Variants in NAP1L4 observed in about 807,000 individuals in gnomAD.
The protein encoded by NAP1L4 is nucleosome assembly protein 1 like 4.
A neutral mutation model predicts 58.2 loss-of-function variants in NAP1L4; 15 were observed. The ratio of observed to expected loss-of-function variants is 0.26; its 90% CI spans 0.17 to 0.40. The LOEUF is 0.40. NAP1L4 is among the 10% of genes least tolerant of loss of function. The probability of loss-of-function intolerance (pLI) is 1.00; values close to 1 mark genes in which losing one functional copy is unlikely to be tolerated. For synonymous variants in NAP1L4, 171 were observed against 155.6 expected (o/e 1.10, Z -0.74); for missense variants, 384 against 451.1 (o/e 0.85, Z 1.35).
At position 2,955,797 on chromosome 11, in the gene NAP1L4, A is replaced by C. The variant is rs1293327393; in HGVS notation, c.893-31T>G. The C allele has an allele frequency of 1.2e-6, 2 of 1,606,604 alleles. No individual in the cohort carries two copies. The highest frequency in any genetic ancestry group is 8.5e-7 in the Non-Finnish European group (1 of 1,174,642). On this transcript the variant is annotated intron_variant, in intron 10 of 15. Transcript: ENST00000380542. The surrounding 1 kb of genome is among the most constrained non-coding windows in gnomAD (Gnocchi z 4.2). Reference sequence around the variant, plus strand: ...AAAAGAAAAGACAAAACATATTTAAATTACAGTGACAACTCCCAGAATTTT... The same window carrying C: ...AAAAGAAAAGACAAAACATATTTAACTTACAGTGACAACTCCCAGAATTTT...
intron 15 of NAP1L4, among the ~76,000 whole-genome samples, chr11:2,945,923 T>TG (rs1366114240): frequency 6.6e-6 from 1 of 152,052 alleles, no homozygotes; most frequent in Non-Finnish European, 1.5e-5. Context: ...CTTGGGGTGG[T>TG]GGAGCTCCAG....
intron 1 of NAP1L4, chr11:2,991,818 T>A (rs1315578411): frequency 6.6e-6 from 1 of 152,206 alleles, no homozygotes; most frequent in Non-Finnish European, 1.5e-5. Context: ...GCCTGAACGC[T>A]CCGGCGCGCC....
At position 2,959,201 on chromosome 11, in the gene NAP1L4, T is replaced by C. The variant is rs139387360; in HGVS notation, c.746+569A>G. ...TTTTAATAAAGTCCTGAATTAACAA[T>C]TACTATTTACTTCTGGTAAATAAAC... On this transcript the variant is annotated intron_variant, in intron 9 of 15. Coordinates refer to ENST00000380542, the MANE Select transcript of NAP1L4 (RefSeq NM_005969.4). The surrounding 1 kb of genome is among the most constrained non-coding windows in gnomAD (Gnocchi z 4.9). Among the ~76,000 whole-genome samples the C allele has an allele frequency of 3.0e-4, 46 of 152,350 alleles. No homozygotes were observed. In the East Asian group the frequency reaches 8.1e-3, roughly 27 times the overall value.
intron 1 of NAP1L4, among the ~76,000 whole-genome samples, chr11:2,980,814 ATTT>A (rs1848255341): frequency 6.6e-6 from 1 of 152,194 alleles, no homozygotes; most frequent in African/African-American, 2.4e-5. Flanking sequence ...CTTTTTTAAA[ATTT>A]TTATTGTTTA....
chr11:2,981,418 C>CAAAAAAAAAAAAAA (rs35499396), intron 1 of NAP1L4, among the ~76,000 whole-genome samples: 5 of 41,282 alleles, frequency 1.2e-4, no homozygotes, highest in Non-Finnish European at 2.1e-4. Flanking sequence ...TACCCTGTCT[C>CAAAAAAAAAAAAAA]AAAAAAAAAA....
At chr11:2,977,626 G>A (rs1305974354) in intron 3 of NAP1L4, among the ~76,000 whole-genome samples, 4 of 152,114 alleles carry the variant, frequency 2.6e-5, no homozygotes, top group Non-Finnish European at 5.9e-5. Flanking sequence ...AGGGAAACAG[G>A]AGCATGACTG....
At chr11:2,977,641 T>C (rs550906206) in intron 3 of NAP1L4, among the ~76,000 whole-genome samples, 1 of 152,260 alleles carries the variant, frequency 6.6e-6, no homozygotes, top group East Asian at 1.9e-4. Flanking sequence ...TGACTGTCTA[T>C]TAGAGAATGG....
chr11:2,968,872 C>T (rs1263749889), intron 7 of NAP1L4, among the ~76,000 whole-genome samples: 1 of 152,124 alleles, frequency 6.6e-6, no homozygotes, highest in Non-Finnish European at 1.5e-5. Flanking sequence ...TATTATAACT[C>T]ATTTCAGGGA....
chr11:2,954,711 T>C lies in NAP1L4; in HGVS notation c.916-65A>G. ...GATAAAAACATTCACTTCACCACCC[T>C]CAGCCAAACCTCAGCCCCTCACTTT... On this transcript the variant is annotated intron_variant, in intron 11 of 15. Coordinates refer to ENST00000380542, the MANE Select transcript of NAP1L4 (RefSeq NM_005969.4). The surrounding 1 kb of genome is among the most constrained non-coding windows in gnomAD (Gnocchi z 4.8). The C allele has an allele frequency of 6.2e-7, 1 of 1,603,094 alleles. No homozygotes were observed. The highest frequency in any genetic ancestry group is 8.5e-7 in the Non-Finnish European group (1 of 1,171,590).
At position 2,954,833 on chromosome 11, in the gene NAP1L4, G is replaced by A; in HGVS notation, c.916-187C>T. The A allele has an allele frequency of 1.4e-6, 1 of 699,786 alleles. No individual in the cohort carries two copies. Among genetic ancestry groups the A allele is most frequent in the Non-Finnish European group, 2.4e-6 (1 of 421,744 alleles). 43.3% of individuals were successfully genotyped at this position (699,786 alleles called of 1,614,324 possible). A position where few individuals can be genotyped will look rare whatever the true frequency, so the allele number is the denominator to read the frequency against. The stretch of plus-strand genomic sequence containing the variant: ...TAAAACAACTTTAAGTAGCTTTAAA[G>A]AGCTACTGAAGCAAAATGGCAGAGA... On this transcript the variant is annotated intron_variant, in intron 11 of 15. Transcript: ENST00000380542. The surrounding 1 kb of genome is among the most constrained non-coding windows in gnomAD (Gnocchi z 4.8).
At chr11:2,968,937 T>C (rs1372123347) in intron 7 of NAP1L4, among the ~76,000 whole-genome samples, 1 of 152,118 alleles carries the variant, frequency 6.6e-6, no homozygotes, top group Non-Finnish European at 1.5e-5. Flanking sequence ...GAAAGTGAAA[T>C]GTCAAGGCAA....
At position 2,954,492 on chromosome 11, in the gene NAP1L4, C is replaced by A; in HGVS notation, c.1035+35G>T. On this transcript the variant is annotated intron_variant, in intron 12 of 15. Coordinates refer to ENST00000380542, the MANE Select transcript of NAP1L4 (RefSeq NM_005969.4). This position sits in a 1 kb window ranked among gnomAD's most constrained non-coding sequence, Gnocchi z 4.8. ...CACTCTGCACCAACAGAGATAAGCA[C>A]CCAGGTGGAAGCCCCCCTTCCCCGA... 1.9e-6 allele frequency: 3 copies of A among 1,612,956 alleles called. No individual in the cohort carries two copies. Among genetic ancestry groups the A allele is most frequent in the Non-Finnish European group, 2.5e-6 (3 of 1,179,016 alleles).
At position 2,946,641 on chromosome 11, in the gene NAP1L4, T is replaced by C. The variant is rs1221519341; in HGVS notation, c.*33-995A>G. 6.6e-6 allele frequency among the ~76,000 whole-genome samples: 1 copy of C among 152,232 alleles called. No individual in the cohort carries two copies. The highest frequency in any genetic ancestry group is 1.9e-4 in the East Asian group (1 of 5,200). On this transcript the variant is annotated intron_variant, in intron 15 of 15. Transcript: ENST00000380542. The surrounding 1 kb of genome is among the most constrained non-coding windows in gnomAD (Gnocchi z 4.8). The stretch of plus-strand genomic sequence containing the variant: ...CAGTATAAGCTGAGGCTACAGTTCA[T>C]TCTTTTGGAAATCACATTTAAGGGA...
In NAP1L4 at chr11:2,974,387, G is replaced by A. The variant is rs548780503; in HGVS notation, c.173+1637C>T. Among the ~76,000 whole-genome samples the A allele has an allele frequency of 1.1e-4, 17 of 152,236 alleles. No individual in the cohort carries two copies. The East Asian group carries it at 3.3e-3, about 29-fold the overall frequency. ...ACCACTTCTAGTCCCACATAAACCT[G>A]ATCCCACTCAAGCAGTTCCTCTCAC... On this transcript the variant is annotated intron_variant, in intron 4 of 15. Coordinates refer to ENST00000380542, the MANE Select transcript of NAP1L4 (RefSeq NM_005969.4).
chr11:2,958,652 T>C, intron 9 of NAP1L4, 108 bp from the exon 10 acceptor site: 1 of 1,165,166 alleles, frequency 8.6e-7, no homozygotes, highest in Non-Finnish European at 1.2e-6. Context: ...GAAAACGAAA[T>C]AAAACCAATC....
intron 7 of NAP1L4, among the ~76,000 whole-genome samples, chr11:2,969,240 G>A (rs1847485838): frequency 1.3e-5 from 2 of 152,074 alleles, no homozygotes; most frequent in South Asian, 4.1e-4. Context: ...ACCTCCCAAA[G>A]TGCTGGGACT....
In NAP1L4 at chr11:2,951,416, A is replaced by G. The variant is rs1846221656; in HGVS notation, c.1066-101T>C. ...GGAGCAAAACACTGCCTTAGATGGAAATCAATTACTGCTACCCACAAGTGA... is the reference window on the plus strand; with the variant it reads ...GGAGCAAAACACTGCCTTAGATGGAGATCAATTACTGCTACCCACAAGTGA... On this transcript the variant is annotated intron_variant, in intron 13 of 15. Coordinates refer to ENST00000380542, the MANE Select transcript of NAP1L4 (RefSeq NM_005969.4). The surrounding 1 kb of genome is among the most constrained non-coding windows in gnomAD (Gnocchi z 4.0). The G allele has an allele frequency of 3.2e-6, 3 of 945,150 alleles. No homozygotes were observed. Among genetic ancestry groups the G allele is most frequent in the Non-Finnish European group, 3.4e-6 (2 of 583,014 alleles). The allele number at this position is 945,150 out of a possible 1,614,324, so 58.5% of individuals were successfully genotyped here.
At position 2,964,739 on chromosome 11, in the gene NAP1L4, G is replaced by C. The variant is rs1482569830; in HGVS notation, c.547C>G (p.Pro183Ala). The change falls in exon 8 of 16, where the codon CCA becomes GCA. Residue 183 changes from proline (P) to alanine (A), a missense_variant. Transcript: ENST00000380542. ...ATATCCTGCAGGTGTTTCAAGATTGGTTCATCATATTCCTAATCAAAAAGA... is the reference window on the plus strand; with the variant it reads ...ATATCCTGCAGGTGTTTCAAGATTGCTTCATCATATTCCTAATCAAAAAGA... ...LSELVQEYDE[P>A]ILKHLQDIKV... is the part of the protein sequence containing the mutation. 3.1e-6 allele frequency: 5 copies of C among 1,613,022 alleles called. No individual in the cohort carries two copies. The highest frequency in any genetic ancestry group is 8.5e-7 in the Non-Finnish European group (1 of 1,179,356).
At chr11:2,985,611 A>G (rs771913213) in intron 1 of NAP1L4, among the ~76,000 whole-genome samples, 1 of 152,346 alleles carries the variant, frequency 6.6e-6, no homozygotes, top group African/African-American at 2.4e-5. Context: ...ACCTAATGTG[A>G]ATTAACTTGA....
Sources: gnomAD v4.1 joint callset for allele counts (sites outside exome capture counted in the v4.1 genomes callset) on GRCh38, gnomAD v4.1.1 for gene constraint, Gnocchi (gnomAD v3.1) non-coding constraint, MANE v1.5 for transcripts, NCBI Gene and HGNC (gene_info 2026-07-23, HGNC 2026-07-21) for gene names.